The following DGKB variants were observed in gnomAD, a reference collection of about 807,000 sequenced individuals.
DGKB encodes diacylglycerol kinase beta.
In DGKB, 67 loss-of-function variants were observed where a neutral mutation model predicts 114.3. The ratio of observed to expected loss-of-function variants is 0.59; its 90% CI spans 0.48 to 0.72. The LOEUF is 0.72. DGKB is among the 30% of genes least tolerant of loss of function. The probability of loss-of-function intolerance (pLI) is 0.00; values close to 1 mark genes in which losing one functional copy is unlikely to be tolerated. For missense variants in DGKB, 907 were observed against 975.2 expected, an observed-to-expected ratio of 0.93 and a Z score of 0.93; for synonymous variants, 398 against 323.1, an observed-to-expected ratio of 1.23 and a Z score of -2.49.
chr7:14,473,906 G>C (rs1385670331), intron 21 of DGKB, among the ~76,000 whole-genome samples: 1 of 152,178 alleles, frequency 6.6e-6, no homozygotes, highest in African/African-American at 2.4e-5. Context: ...TACTCCCATT[G>C]TATCTAGGAA....
At chr7:14,683,843 C>T (rs757842882) in intron 10 of DGKB, among the ~76,000 whole-genome samples, 3 of 151,804 alleles carry the variant, frequency 2.0e-5, no homozygotes, top group Admixed American at 1.3e-4. Context: ...TCTTCTCCTC[C>T]GTATTAAAAA....
chr7:14,348,637 T>G (rs975666988), intron 21 of DGKB, among the ~76,000 whole-genome samples: 3 of 151,908 alleles, frequency 2.0e-5, no homozygotes, highest in Admixed American at 2.0e-4. Flanking sequence ...ATAATTTTCA[T>G]GTGATTTGTA....
intron 2 of DGKB, among the ~76,000 whole-genome samples, chr7:14,807,535 A>T (rs994261471): frequency 6.6e-6 from 1 of 152,050 alleles, no homozygotes; most frequent in Non-Finnish European, 1.5e-5. Flanking sequence ...AATTCAAATT[A>T]GAAAAATAGT....
chr7:14,626,590 A>C (rs1161384033), intron 14 of DGKB, among the ~76,000 whole-genome samples: 2 of 152,220 alleles, frequency 1.3e-5, no homozygotes, highest in African/African-American at 4.8e-5. Context: ...ACACCAACTT[A>C]CTAACAAACT....
intron 1 of DGKB, among the ~76,000 whole-genome samples, chr7:14,933,046 T>C (rs1478431006): frequency 6.6e-6 from 1 of 152,270 alleles, no homozygotes; most frequent in East Asian, 1.9e-4. Flanking sequence ...CACTATTACC[T>C]CTTGGATGGT....
intron 13 of DGKB, among the ~76,000 whole-genome samples, chr7:14,661,204 G>C (rs984927776): frequency 4.0e-5 from 6 of 150,692 alleles, no homozygotes; most frequent in Non-Finnish European, 5.9e-5. Flanking sequence ...ATTGACAAAT[G>C]GGATCTAATT....
At chr7:14,284,035 G>A (rs962498946) in intron 23 of DGKB, among the ~76,000 whole-genome samples, 2 of 152,122 alleles carry the variant, frequency 1.3e-5, no homozygotes, top group Non-Finnish European at 2.9e-5. Flanking sequence ...AAATTAAAGA[G>A]CTTCTGCACA....
chr7:14,953,011 G>T (rs1240484849), intron 1 of DGKB, among the ~76,000 whole-genome samples: 1 of 151,900 alleles, frequency 6.6e-6, no homozygotes, highest in Non-Finnish European at 1.5e-5. Flanking sequence ...ACATGCAAAA[G>T]TATGGAATTA....
At chr7:14,795,809 G>C (rs964440188) in intron 2 of DGKB, among the ~76,000 whole-genome samples, 7 of 152,104 alleles carry the variant, frequency 4.6e-5, no homozygotes, top group Non-Finnish European at 1.0e-4. Context: ...ACGTGAAATA[G>C]AAAATCTGTC....
chr7:14,170,169 G>GA (rs1393313636), intron 25 of DGKB, among the ~76,000 whole-genome samples: 5 of 135,864 alleles, frequency 3.7e-5, no homozygotes, highest in Non-Finnish European at 7.6e-5. Flanking sequence ...AAGAAAGAAA[G>GA]AAAGAAAGAA....
At chr7:14,859,709 G>A (rs758580901) in intron 1 of DGKB, among the ~76,000 whole-genome samples, 4 of 151,900 alleles carry the variant, frequency 2.6e-5, no homozygotes, top group Non-Finnish European at 5.9e-5. Context: ...CATTTACTTC[G>A]GAACTTTAAT....
chr7:14,739,773 G>C (rs1417899676), intron 4 of DGKB, among the ~76,000 whole-genome samples: 1 of 152,084 alleles, frequency 6.6e-6, no homozygotes, highest in Non-Finnish European at 1.5e-5. Flanking sequence ...TGGGAATGTC[G>C]GCCTCAGTCC....
At chr7:14,878,755 CA>C (rs5882472) in intron 1 of DGKB, among the ~76,000 whole-genome samples, 34 of 113,272 alleles carry the variant, frequency 3.0e-4, no homozygotes, top group African/African-American at 1.0e-3. Context: ...TCTCAAAAAA[CA>C]AAAAAAAAAA....
In DGKB at chr7:14,345,315, A is replaced by T; in HGVS notation, c.1912T>A (p.Ser638Thr). The T allele has an allele frequency of 6.5e-7, 1 of 1,538,710 alleles. No homozygotes were observed. Residue 638 changes from serine (S) to threonine (T), a missense_variant, in exon 22 of 26, where the codon TCT (serine) becomes ACT (threonine). By Grantham distance (58) the Ser-to-Thr change is moderately conservative. Coordinates refer to ENST00000402815, the MANE Select transcript of DGKB (RefSeq NM_001350709.2). ...FSATCKKLHE[S>T]VEIECDGVQI... The stretch of plus-strand genomic sequence containing the variant: ...TTTTTTCTTACTTCTATTTCTACAG[A>T]TTCATGTAGCTTCTTGCAGGTGGCT...
At chr7:14,367,082 C>A (rs926268986) in intron 21 of DGKB, among the ~76,000 whole-genome samples, 1 of 152,122 alleles carries the variant, frequency 6.6e-6, no homozygotes, top group Non-Finnish European at 1.5e-5. Flanking sequence ...GCAATACTCT[C>A]TTGCGATGCC....
intron 4 of DGKB, among the ~76,000 whole-genome samples, chr7:14,744,953 A>T (rs1454165372): frequency 6.6e-6 from 1 of 152,176 alleles, no homozygotes; most frequent in African/African-American, 2.4e-5. Context: ...CTGGATCAAT[A>T]TTTTAATTCT....
chr7:14,569,401 C>T (rs1798048912), intron 20 of DGKB, among the ~76,000 whole-genome samples: 1 of 152,178 alleles, frequency 6.6e-6, no homozygotes, highest in Admixed American at 6.5e-5. Flanking sequence ...TTATTAGTTT[C>T]TAAATGTCAT....
intron 13 of DGKB, among the ~76,000 whole-genome samples, chr7:14,670,550 C>A (rs751490483): frequency 2.0e-5 from 3 of 151,974 alleles, no homozygotes; most frequent in Non-Finnish European, 2.9e-5. Flanking sequence ...AGTGATCCAC[C>A]CACCTCGACC....
chr7:14,934,701 A>T (rs1463514695), intron 1 of DGKB, among the ~76,000 whole-genome samples: 1 of 152,224 alleles, frequency 6.6e-6, no homozygotes, highest in Non-Finnish European at 1.5e-5. Context: ...TAAAATTAAA[A>T]TGCAAAGAAG....
Sources: allele counts gnomAD v4.1 joint callset (sites outside exome capture counted in the v4.1 genomes callset), GRCh38; gene constraint gnomAD v4.1.1; transcripts MANE v1.5; gene names NCBI Gene and HGNC (gene_info 2026-07-23, HGNC 2026-07-21).